Variants in PIKFYVE observed in about 807,000 individuals in gnomAD.
PIKFYVE encodes the protein phosphoinositide kinase, FYVE-type zinc finger containing.
Under a neutral mutation model 257.9 loss-of-function variants are expected in PIKFYVE, and 122 were observed. The observed-to-expected ratio is 0.47, with a 90% CI of 0.41 to 0.55. The LOEUF (loss-of-function observed/expected upper bound fraction) is 0.55. Ranked by LOEUF, PIKFYVE falls within the 20% of genes least tolerant of loss-of-function variation. The pLI, the probability that PIKFYVE is intolerant of heterozygous loss-of-function variation, is 0.00. For missense variants in PIKFYVE, 2,160 were observed against 2,536.6 expected (o/e 0.85, Z 3.19); for synonymous variants, 892 against 868.9 (o/e 1.03, Z -0.47).
chr2:208,297,704 T>C (rs1211120047), intron 7 of PIKFYVE, among the ~76,000 whole-genome samples: 3 of 152,214 alleles, frequency 2.0e-5, no homozygotes, highest in Non-Finnish European at 4.4e-5. Flanking sequence ...TACATATATG[T>C]AGTCTAACAT....
At chr2:208,344,537 G>A (rs186789927) in intron 32 of PIKFYVE, among the ~76,000 whole-genome samples, 6 of 152,116 alleles carry the variant, frequency 3.9e-5, no homozygotes, top group South Asian at 2.1e-4. Flanking sequence ...AGTATTTTTT[G>A]TACTATTAGG....
At chr2:208,337,537 A>T (rs1037866312) in intron 28 of PIKFYVE, among the ~76,000 whole-genome samples, 1 of 151,990 alleles carries the variant, frequency 6.6e-6, no homozygotes, top group Non-Finnish European at 1.5e-5. Context: ...CTATCTATAG[A>T]TCTATCTAGA....
chr2:208,352,902 C>T, intron 39 of PIKFYVE, 120 bp downstream of exon 39: 1 of 1,285,300 alleles, frequency 7.8e-7, no homozygotes, highest in Non-Finnish European at 1.1e-6. Context: ...ACTTTGGTTA[C>T]TAGGCCATAT....
chr2:208,326,533 G>A, intron 20 of PIKFYVE, 104 bp downstream of exon 20: 2 of 1,247,864 alleles, frequency 1.6e-6, no homozygotes, highest in Non-Finnish European at 2.3e-6. Context: ...ATGCAGATTT[G>A]TGAAATATTT....
intron 16 of PIKFYVE, 82 bp from the exon 17 acceptor site, chr2:208,320,170 A>G (rs1018610981): frequency 1.8e-5 from 27 of 1,513,424 alleles, no homozygotes; most frequent in Middle Eastern, 2.3e-4. Context: ...ATTATGAACA[A>G]TATAGATTTA....
chr2:208,273,713 A>G lies in PIKFYVE; in HGVS notation c.302A>G (p.Gln101Arg). 1 of 1,614,210 alleles carries G rather than the reference A, an allele frequency of 6.2e-7. No homozygotes were observed. Among genetic ancestry groups the G allele is most frequent in the South Asian group, 1.1e-5 (1 of 91,090 alleles). ...AAAAAGCAGCTTAATGAGGAACTCCAGCGGCGCTCTTCAGCATTAGGTAAA... is the reference window on the plus strand; with the variant it reads ...AAAAAGCAGCTTAATGAGGAACTCCGGCGGCGCTCTTCAGCATTAGGTAAA... ...PYKKQLNEELQRRSSALDTRR... is the reference protein window; with the variant it reads ...PYKKQLNEELRRRSSALDTRR... Residue 101 changes from glutamine to arginine, a missense_variant, in exon 3 of 42, where the codon CAG becomes CGG. This residue lies in a region of PIKFYVE where 172 missense variants were observed against 180.6 expected (regional missense o/e 0.95). Transcript: ENST00000264380.
intron 33 of PIKFYVE, 112 bp downstream of exon 33, chr2:208,345,306 A>T: frequency 1.1e-6 from 1 of 902,778 alleles, no homozygotes; most frequent in Non-Finnish European, 1.8e-6. Context: ...TCTAGGATTC[A>T]GATAGTGGCA....
In PIKFYVE at chr2:208,358,122, G is replaced by A. The variant is rs1227343906; in HGVS notation, c.*2817G>A. ...AGCAGTGAGTGATTTTCTAGCTTTG[G>A]CTCTTATTAGGTATTGTAAATAGTA... On this transcript the variant is annotated 3_prime_UTR_variant, in exon 42 of 42. Coordinates refer to ENST00000264380, the MANE Select transcript of PIKFYVE (RefSeq NM_015040.4). 1.3e-5 allele frequency: 2 copies of A among 152,150 alleles called. No individual in the cohort carries two copies. Among genetic ancestry groups the A allele is most frequent in the Admixed American group, 6.6e-5 (1 of 15,254 alleles). The allele number at this position is 152,150 out of a possible 1,614,324, so 9.4% of individuals were successfully genotyped here. A position where few individuals can be genotyped will look rare whatever the true frequency, so the allele number is the denominator to read the frequency against.
At chr2:208,309,915 G>A (rs1305906450) in intron 12 of PIKFYVE, among the ~76,000 whole-genome samples, 3 of 152,194 alleles carry the variant, frequency 2.0e-5, no homozygotes, top group Admixed American at 2.0e-4. Context: ...AGCCTACTCA[G>A]TGAGAATATT....
At chr2:208,349,977 A>G in intron 35 of PIKFYVE, 47 bp from the exon 36 acceptor site, 1 of 1,607,306 alleles carries the variant, frequency 6.2e-7, no homozygotes. Flanking sequence ...AAATGAACTG[A>G]TAATTACTCA....
intron 33 of PIKFYVE, among the ~76,000 whole-genome samples, chr2:208,345,691 A>T (rs1243291399): frequency 6.6e-6 from 1 of 152,142 alleles, no homozygotes; most frequent in Non-Finnish European, 1.5e-5. Context: ...CTCTACTAAC[A>T]TTATAGTTTT....
intron 3 of PIKFYVE, 80 bp downstream of exon 3, chr2:208,273,813 C>T (rs956576568): frequency 5.2e-6 from 8 of 1,536,624 alleles, no homozygotes; most frequent in African/African-American, 2.7e-5. Context: ...TTGTTTATAG[C>T]AGGACTTAAC....
At chr2:208,354,518 ATTATAT>A (rs1700039060) in intron 40 of PIKFYVE, 47 bp from the exon 41 acceptor site, 10 of 1,432,274 alleles carry the variant, frequency 7.0e-6, no homozygotes, top group Non-Finnish European at 9.9e-6. Flanking sequence ...TTGTCATTTG[ATTATAT>A]TTATTAACAT....
Position 208,305,436 on chromosome 2 carries a change from T to C in PIKFYVE, c.1636+423T>C, listed in dbSNP as rs1053022172. 21 of 1,013,914 alleles carry C rather than the reference T, an allele frequency of 2.1e-5. No individual in the cohort carries two copies. The African/African-American group carries it at 3.4e-4, about 16-fold the overall frequency. 62.8% of individuals were successfully genotyped at this position (1,013,914 alleles called of 1,614,324 possible). ...ATTTCACTAAACCCATTAAGATGCT[T>C]GAACTAGATTGGGGGAAAATCATTC... On this transcript the variant is annotated intron_variant, in intron 12 of 41. Coordinates refer to ENST00000264380, the MANE Select transcript of PIKFYVE (RefSeq NM_015040.4).
rs192545968 is a variant in PIKFYVE, at chr2:208,319,849, C to T, written c.2083-403C>T. Among the ~76,000 whole-genome samples, 1,240 of 151,480 alleles carry T rather than the reference C, an allele frequency of 8.2e-3. 11 individuals carry two copies. Among genetic ancestry groups the T allele is most frequent in the Non-Finnish European group, 0.012 (840 of 68,004 alleles). The stretch of plus-strand genomic sequence containing the variant: ...TTTTAATTCTTTTCTCCCTCTTCTC[C>T]TCTTCAATTTTAGACAGACTAAAAT... On this transcript the variant is annotated intron_variant, in intron 16 of 41. Transcript: ENST00000264380.
At chr2:208,294,344 C>T (rs1009349548) in intron 7 of PIKFYVE, among the ~76,000 whole-genome samples, 1 of 152,196 alleles carries the variant, frequency 6.6e-6, no homozygotes, top group Non-Finnish European at 1.5e-5. Flanking sequence ...ACACCCTTAG[C>T]ATATTAATTA....
At chr2:208,277,963 T>G (rs1028519966) in intron 5 of PIKFYVE, among the ~76,000 whole-genome samples, 4 of 152,182 alleles carry the variant, frequency 2.6e-5, no homozygotes, top group Admixed American at 1.3e-4. Context: ...ACATTAAAAT[T>G]TATTAGACAA....
Position 208,335,933 on chromosome 2 carries a change from G to GT in PIKFYVE, c.4365+34dup, listed in dbSNP as rs527924038. 6.4e-3 allele frequency: 10,116 copies of GT among 1,583,762 alleles called. 46 individuals carry two copies. The highest frequency in any genetic ancestry group is 8.0e-3 in the Non-Finnish European group (9,275 of 1,156,294). ...TATTTCTTTGGTAGAAAATTCAAAA[G>GT]TTAATTATTGATTAAAAATTATTGA... On this transcript the variant is annotated intron_variant, in intron 26 of 41. Coordinates refer to ENST00000264380, the MANE Select transcript of PIKFYVE (RefSeq NM_015040.4).
At chr2:208,269,373 CT>C (rs1169987908) in intron 1 of PIKFYVE, 1 of 201,366 alleles carries the variant, frequency 5.0e-6, no homozygotes, top group East Asian at 1.2e-4. Flanking sequence ...GGAAGGCCTC[CT>C]AGTTGATGCT....
Sources: gnomAD v4.1 joint callset for allele counts (sites outside exome capture counted in the v4.1 genomes callset) on GRCh38, gnomAD v4.1.1 for gene constraint, gnomAD v4.1.1 regional missense constraint, MANE v1.5 for transcripts, NCBI Gene and HGNC (gene_info 2026-07-23, HGNC 2026-07-21) for gene names.